Variants in WDPCP observed in about 807,000 individuals in gnomAD.
WDPCP encodes the protein WD repeat containing planar cell polarity effector.
In WDPCP, 71 loss-of-function variants were observed where a neutral mutation model predicts 93.1. That is an observed-to-expected ratio of 0.76 (90% CI 0.63 to 0.93). The LOEUF (loss-of-function observed/expected upper bound fraction) is 0.93, where lower values mean the gene tolerates loss of function less well. WDPCP is among the 40% of genes least tolerant of loss of function. The pLI is 0.00. For synonymous variants in WDPCP, 315 were observed against 315.0 expected (o/e 1.00, Z 0.00); for missense variants, 844 against 887.4 (o/e 0.95, Z 0.62).
At chr2:63,278,837 A>C (rs1361196909) in intron 13 of WDPCP, among the ~76,000 whole-genome samples, 1 of 152,202 alleles carries the variant, frequency 6.6e-6, no homozygotes, top group African/African-American at 2.4e-5. Context: ...ACAGAAAAAG[A>C]TTATTCAAGG....
At chr2:63,485,741 T>C (rs1700537646) in intron 4 of WDPCP, among the ~76,000 whole-genome samples, 1 of 151,934 alleles carries the variant, frequency 6.6e-6, no homozygotes, top group African/African-American at 2.4e-5. Context: ...GAAAAATGAA[T>C]TCATCTTTGG....
chr2:63,389,519 A>G (rs1022416000), intron 10 of WDPCP, among the ~76,000 whole-genome samples: 1 of 152,044 alleles, frequency 6.6e-6, no homozygotes, highest in Non-Finnish European at 1.5e-5. Context: ...AGCTAACATC[A>G]TGACAGGATC....
intron 2 of WDPCP, among the ~76,000 whole-genome samples, chr2:63,488,778 C>T (rs1362307226): frequency 6.6e-6 from 1 of 151,944 alleles, no homozygotes; most frequent in Non-Finnish European, 1.5e-5. Context: ...CTCATCATTC[C>T]ATACATCCAA....
intron 2 of WDPCP, among the ~76,000 whole-genome samples, chr2:63,655,432 A>G (rs541049324): frequency 1.3e-5 from 2 of 151,688 alleles, no homozygotes; most frequent in African/African-American, 2.4e-5. Flanking sequence ...ATATATATAT[A>G]TATTTAAATA....
chr2:63,339,321 C>T (rs950148383), intron 12 of WDPCP, among the ~76,000 whole-genome samples: 3 of 151,990 alleles, frequency 2.0e-5, no homozygotes, highest in African/African-American at 4.8e-5. Context: ...TATAGGCACA[C>T]GACATCACGT....
chr2:63,739,069 G>A (rs533434251), intron 2 of WDPCP, among the ~76,000 whole-genome samples: 1 of 152,192 alleles, frequency 6.6e-6, no homozygotes, highest in African/African-American at 2.4e-5. Context: ...GGGTACTTGT[G>A]AAGGTTTGTT....
At chr2:63,549,665 C>A (rs1360762595) in intron 1 of WDPCP, among the ~76,000 whole-genome samples, 2 of 152,126 alleles carry the variant, frequency 1.3e-5, no homozygotes, top group African/African-American at 4.8e-5. Flanking sequence ...ACTCGGGAGG[C>A]TGAGGCAGGA....
chr2:63,322,516 AGG>A lies in WDPCP; in HGVS notation c.1749-9207_1749-9206del, dbSNP rs532095299. Among the ~76,000 whole-genome samples the A allele has an allele frequency of 2.0e-5, 3 of 152,170 alleles. No homozygotes were observed. The East Asian group carries it at 5.8e-4, about 29-fold the overall frequency. The stretch of plus-strand genomic sequence containing the variant: ...TCAGTGAGACCATGAACCCACTGGG[AGG>A]AAGAAACACCTCCAGATGTGCCACC... On this transcript the variant is annotated intron_variant, in intron 12 of 17. Transcript: ENST00000272321.
chr2:63,206,112 T>C (rs748833263), intron 14 of WDPCP, among the ~76,000 whole-genome samples: 1 of 152,246 alleles, frequency 6.6e-6, no homozygotes, highest in African/African-American at 2.4e-5. Context: ...TCTGTTGATA[T>C]GATGTATCAC....
intron 2 of WDPCP, among the ~76,000 whole-genome samples, chr2:63,675,948 C>T (rs185747035): frequency 2.1e-4 from 32 of 152,204 alleles, no homozygotes; most frequent in Non-Finnish European, 4.0e-4. Flanking sequence ...ATCAGATACT[C>T]TATGACCAAT....
intron 6 of WDPCP, among the ~76,000 whole-genome samples, chr2:63,449,814 T>C (rs1698112185): frequency 6.6e-6 from 1 of 152,126 alleles, no homozygotes; most frequent in South Asian, 2.1e-4. Flanking sequence ...ATTACACAGC[T>C]GTCACAGGAC....
chr2:63,276,150 C>G (rs952630920), intron 13 of WDPCP, among the ~76,000 whole-genome samples: 6 of 152,172 alleles, frequency 3.9e-5, no homozygotes, highest in Non-Finnish European at 8.8e-5. Flanking sequence ...CAGTTCCACT[C>G]TCAGGAAACC....
rs543415147 is a variant in WDPCP at position 63,469,678 on chromosome 2, T to A, written c.384+14926A>T. Among the ~76,000 whole-genome samples the A allele has an allele frequency of 2.9e-4, 44 of 152,062 alleles. No individual in the cohort carries two copies. The South Asian group carries it at 8.9e-3, about 31-fold the overall frequency. ...CACATGAACAAAAAGAAGGGAACAA[T>A]AGACACTGGGGCCTACCTGAGGATG... On this transcript the variant is annotated intron_variant, in intron 6 of 17. Coordinates refer to ENST00000272321, the MANE Select transcript of WDPCP (RefSeq NM_015910.7).
chr2:63,574,090 T>C lies in WDPCP; in HGVS notation c.75+14107A>G, dbSNP rs552277483. On this transcript the variant is annotated intron_variant, in intron 1 of 17. Transcript: ENST00000272321. ...AGCAATTTTAATTTCACCCTGGTCC[T>C]GTGATCTTACCCTGCCTCCATTTGC... Among the ~76,000 whole-genome samples, 29 of 152,356 alleles carry C rather than the reference T, an allele frequency of 1.9e-4. No homozygotes were observed. The East Asian group carries it at 5.4e-3, about 28-fold the overall frequency.
At chr2:63,791,335 T>C (rs1180328228) in intron 2 of WDPCP, among the ~76,000 whole-genome samples, 7 of 152,042 alleles carry the variant, frequency 4.6e-5, no homozygotes, top group Admixed American at 2.6e-4. Context: ...TTTCTATCAC[T>C]GCTCCAATCT....
At chr2:63,834,366 G>GT in the WDPCP span, among the ~76,000 whole-genome samples, 2 of 152,316 alleles carry the variant, frequency 1.3e-5, no homozygotes, top group South Asian at 4.1e-4. Context: ...AACTCTTGTT[G>GT]TAAGTCACTG....
At chr2:63,280,273 G>A (rs1683428897) in intron 13 of WDPCP, among the ~76,000 whole-genome samples, 2 of 152,146 alleles carry the variant, frequency 1.3e-5, no homozygotes, top group South Asian at 4.1e-4. Flanking sequence ...GGAGGTGAAA[G>A]GCACTTCTTA....
intron 14 of WDPCP, among the ~76,000 whole-genome samples, chr2:63,197,222 C>A: frequency 6.6e-6 from 1 of 151,862 alleles, no homozygotes; most frequent in Non-Finnish European, 1.5e-5. Context: ...AATTCACTTT[C>A]ATTTAATGGT....
chr2:63,675,651 G>T (rs960293970), intron 2 of WDPCP, among the ~76,000 whole-genome samples: 7 of 152,048 alleles, frequency 4.6e-5, no homozygotes, highest in Admixed American at 6.6e-5. Context: ...AGTGTGGAAT[G>T]GTAAGAAAAT....
Sources: allele counts gnomAD v4.1 joint callset (sites outside exome capture counted in the v4.1 genomes callset), GRCh38; gene constraint gnomAD v4.1.1; transcripts MANE v1.5; gene names NCBI Gene and HGNC (gene_info 2026-07-23, HGNC 2026-07-21).